ZFAND3: variants seen among roughly 807,000 people sequenced by gnomAD.
The protein encoded by ZFAND3 is zinc finger AN1-type containing 3, also known as AN1-type zinc finger protein 3.
ZFAND3 carries 10 observed loss-of-function variants against 29.6 expected under a neutral mutation model. The observed-to-expected ratio is 0.34, with a 90% CI of 0.21 to 0.57. ZFAND3 has a LOEUF of 0.57. Ranked by LOEUF, ZFAND3 falls within the 20% of genes least tolerant of loss-of-function variation. The pLI, the probability that ZFAND3 is intolerant of heterozygous loss-of-function variation, is 0.86. For synonymous variants in ZFAND3, 128 were observed against 112.6 expected (o/e 1.14, Z -0.87); for missense variants, 230 against 304.5 (o/e 0.76, Z 1.82).
In ZFAND3 at chr6:38,006,449, C is replaced by G. The variant is rs1421980075; in HGVS notation, c.113-55144C>G. On this transcript the variant is annotated intron_variant, in intron 2 of 5. Transcript: ENST00000287218. ...TTAAATTAAATATAAATTTGGTGTT[C>G]TTCTGGAACTCTGCTGTTTCGAGTG... 2.0e-5 allele frequency among the ~76,000 whole-genome samples: 3 copies of G among 151,998 alleles called. No individual in the cohort carries two copies. The East Asian group carries it at 5.8e-4, about 29-fold the overall frequency.
At chr6:37,824,203 G>T (rs75684507) in intron 1 of ZFAND3, among the ~76,000 whole-genome samples, 3 of 152,166 alleles carry the variant, frequency 2.0e-5, no homozygotes, top group Non-Finnish European at 4.4e-5. Context: ...GGCAAAAAAC[G>T]TATTTGTTGA....
intron 2 of ZFAND3, among the ~76,000 whole-genome samples, chr6:37,985,753 G>A (rs908492991): frequency 6.6e-5 from 10 of 152,296 alleles, no homozygotes; most frequent in African/African-American, 2.2e-4. Flanking sequence ...AACATACAAA[G>A]CACATGTAGT....
At chr6:37,908,480 A>T (rs1035108997) in intron 1 of ZFAND3, among the ~76,000 whole-genome samples, 1 of 151,184 alleles carries the variant, frequency 6.6e-6, no homozygotes, top group Non-Finnish European at 1.5e-5. Flanking sequence ...CATTAGGTAT[A>T]TACTAACCTG....
intron 2 of ZFAND3, among the ~76,000 whole-genome samples, chr6:37,945,843 A>G (rs1188428007): frequency 6.6e-6 from 1 of 152,126 alleles, no homozygotes; most frequent in Non-Finnish European, 1.5e-5. Context: ...TGGTGTCAAT[A>G]CTCTGAGTTT....
intron 5 of ZFAND3, among the ~76,000 whole-genome samples, chr6:38,135,813 C>T (rs760703221): frequency 1.8e-4 from 28 of 152,014 alleles, no homozygotes; most frequent in African/African-American, 5.8e-4. Context: ...GAGGTACACA[C>T]GTAAGAGCTG....
At chr6:37,890,732 A>T (rs1165857579) in intron 1 of ZFAND3, among the ~76,000 whole-genome samples, 1 of 152,216 alleles carries the variant, frequency 6.6e-6, no homozygotes, top group African/African-American at 2.4e-5. Flanking sequence ...GTTTATTTCA[A>T]GATAAGCACA....
At chr6:37,896,598 TTCTC>T (rs748773528) in intron 1 of ZFAND3, among the ~76,000 whole-genome samples, 2 of 143,754 alleles carry the variant, frequency 1.4e-5, no homozygotes, top group African/African-American at 5.1e-5. Context: ...CTCTTTTTCT[TTCTC>T]TCTCTCTTTC....
intron 2 of ZFAND3, among the ~76,000 whole-genome samples, 157 bp downstream of exon 2, chr6:37,930,156 T>G (rs1459694190): frequency 7.2e-5 from 11 of 152,064 alleles, no homozygotes; most frequent in Non-Finnish European, 1.6e-4. Flanking sequence ...CTTACCAAGG[T>G]GCTTCATATA....
intron 4 of ZFAND3, among the ~76,000 whole-genome samples, chr6:38,089,077 T>C (rs1369185991): frequency 6.6e-6 from 1 of 152,106 alleles, no homozygotes; most frequent in African/African-American, 2.4e-5. Context: ...TTCTCTTTTT[T>C]CCCCCAAAAA....
chr6:37,899,158 C>G (rs1307233482), intron 1 of ZFAND3, among the ~76,000 whole-genome samples: 5 of 152,134 alleles, frequency 3.3e-5, no homozygotes. Flanking sequence ...CTCGGCCTCC[C>G]AAAGTGCTGG....
Position 37,929,982 on chromosome 6 carries a change from G to T in ZFAND3, c.95G>T (p.Cys32Phe). ...AGGTCCAGCAAGACTATGAATCTCTGTTCCAAATGCTTTGCTGGTAAGTGC... is the reference window on the plus strand; with the variant it reads ...AGGTCCAGCAAGACTATGAATCTCTTTTCCAAATGCTTTGCTGGTAAGTGC... Reference protein sequence around the residue: ...FWGSSKTMNLCSKCFADFQKK... With the variant: ...FWGSSKTMNLFSKCFADFQKK... Residue 32 changes from cysteine (C) to phenylalanine (F), a missense_variant, in exon 2 of 6, where the codon TGT becomes TTT. Physicochemically the swap from Cys to Phe is radical, Grantham distance 205. Transcript: ENST00000287218. 1 of 1,592,736 alleles carries T rather than the reference G, an allele frequency of 6.3e-7. No homozygotes were observed.
At chr6:37,994,987 C>G (rs1762826004) in intron 2 of ZFAND3, among the ~76,000 whole-genome samples, 5 of 152,196 alleles carry the variant, frequency 3.3e-5, no homozygotes, top group Admixed American at 3.3e-4. Context: ...GTGGTTCTGA[C>G]TGCCTTTGTT....
At chr6:38,041,058 T>TACA (rs1323214000) in intron 2 of ZFAND3, among the ~76,000 whole-genome samples, 1 of 152,234 alleles carries the variant, frequency 6.6e-6, no homozygotes, top group East Asian at 1.9e-4. Flanking sequence ...AGCCTGTTTT[T>TACA]GTTTTTCTTG....
chr6:37,931,281 G>T (rs184666247), intron 2 of ZFAND3, among the ~76,000 whole-genome samples: 117 of 152,290 alleles, frequency 7.7e-4, no homozygotes, highest in African/African-American at 2.7e-3. Flanking sequence ...ATGCTGGCTA[G>T]AACAAACAGT....
chr6:38,128,777 C>T (rs1399491217), intron 5 of ZFAND3, among the ~76,000 whole-genome samples: 1 of 152,136 alleles, frequency 6.6e-6, no homozygotes, highest in Non-Finnish European at 1.5e-5. Flanking sequence ...TACGTTTTTG[C>T]AATTGCAAAT....
chr6:37,954,738 A>T (rs911390284), intron 2 of ZFAND3, among the ~76,000 whole-genome samples: 1 of 152,082 alleles, frequency 6.6e-6, no homozygotes, highest in Non-Finnish European at 1.5e-5. Flanking sequence ...TTATTCTGGG[A>T]TACAGTTAAG....
chr6:38,129,668 G>A (rs149743257), intron 5 of ZFAND3, among the ~76,000 whole-genome samples: 529 of 152,132 alleles, frequency 3.5e-3, no homozygotes, highest in African/African-American at 0.011. Context: ...GTTGTTTTCC[G>A]TTCGTCTGTG....
At chr6:37,852,005 G>C (rs1764290658) in intron 1 of ZFAND3, among the ~76,000 whole-genome samples, 1 of 152,184 alleles carries the variant, frequency 6.6e-6, no homozygotes, top group Non-Finnish European at 1.5e-5. Flanking sequence ...AACTTCTAAA[G>C]AATTGTTGTT....
At chr6:38,081,305 A>G (rs73419963) in intron 3 of ZFAND3, among the ~76,000 whole-genome samples, 10,377 of 152,096 alleles carry the variant, frequency 0.068, 421 homozygotes, top group Non-Finnish European at 0.087. Flanking sequence ...TCTTACACTC[A>G]CTAAGGGTTG....
Sources: gnomAD v4.1 joint callset for allele counts (sites outside exome capture counted in the v4.1 genomes callset) on GRCh38, gnomAD v4.1.1 for gene constraint, MANE v1.5 for transcripts, NCBI Gene and HGNC (gene_info 2026-07-23, HGNC 2026-07-21) for gene names.